The following PERM1 variants were observed in gnomAD, a reference collection of about 807,000 sequenced individuals.
PERM1 encodes PPARGC1 and ESRR induced regulator, muscle 1.
Under a neutral mutation model 44.1 loss-of-function variants are expected in PERM1, and 45 were observed. The observed-to-expected ratio is 1.02, with a 90% CI of 0.80 to 1.31. PERM1 has a LOEUF of 1.31. Among genes scored for constraint, PERM1 ranks in the 50% most tolerant of loss-of-function variants. The pLI, the probability that PERM1 is intolerant of heterozygous loss-of-function variation, is 0.00. For missense variants in PERM1, 1,189 were observed against 1,106.9 expected, an observed-to-expected ratio of 1.07 and a Z score of -1.05; for synonymous variants, 565 against 477.1, an observed-to-expected ratio of 1.18 and a Z score of -2.40.
intron 2 of PERM1, 33 bp downstream of exon 3, chr1:976,466 G>A (rs1643610618): frequency 6.5e-7 from 1 of 1,549,354 alleles, no homozygotes; most frequent in Non-Finnish European, 8.7e-7. Context: ...CTGGCTTCTA[G>A]GCGCAGCTCC....
At chr1:976,039 C>A in exon 3 of PERM1, 1 of 886,114 alleles carries the variant, frequency 1.1e-6, no homozygotes, top group South Asian at 1.8e-5. Flanking sequence ...GGGAGCAGCA[C>A]CAGGACACGC....
chr1:981,732 C>T (rs987449429), upstream of PERM1, among the ~76,000 whole-genome samples: 2 of 152,256 alleles, frequency 1.3e-5, no homozygotes, highest in Non-Finnish European at 2.9e-5. Context: ...GACCCAGCAG[C>T]CACCTCGGGC....
Position 979,425 on chromosome 1 carries a change from G to A in PERM1, c.1605C>T (p.His535=), listed in dbSNP as rs28548166. 1.8e-3 allele frequency: 2,785 copies of A among 1,528,946 alleles called. 53 individuals carry two copies. The African/African-American group carries it at 0.034, about 19-fold the overall frequency. The allele number at this position is 1,528,946 out of a possible 1,614,324, so 94.7% of individuals were successfully genotyped here. The change falls in exon 1 of 3, where the codon CAC becomes CAT. Residue 535 remains histidine (H), a synonymous_variant. Transcript: ENST00000433179. ...CAGCCTCCCAGGCTCCGGGCCCCCC[G>A]TGGGCCCCAGTTGCTGTCTGGGGGG...
exon 1 of PERM1, chr1:980,708 G>C (rs540058132): frequency 6.3e-6 from 9 of 1,420,590 alleles, no homozygotes; most frequent in Non-Finnish European, 7.3e-6. Context: ...GCTTCTGCCC[G>C]TGCGGACGTG....
At chr1:980,825 G>A (rs1227211813) in exon 1 of PERM1, 42 of 1,399,144 alleles carry the variant, frequency 3.0e-5, no homozygotes, top group Admixed American at 6.9e-5. Context: ...CGCCGGCTCC[G>A]CCCTCCTGCA....
exon 1 of PERM1, chr1:979,096 G>A (rs1381273105): frequency 2.6e-6 from 4 of 1,549,412 alleles, no homozygotes; most frequent in Admixed American, 2.0e-5. Flanking sequence ...AGGTATGGGG[G>A]CCGGCACAGG....
upstream of PERM1, chr1:981,272 C>G (rs944397723): frequency 7.0e-6 from 9 of 1,290,384 alleles, no homozygotes; most frequent in Non-Finnish European, 9.5e-6. Flanking sequence ...TCCCATGACC[C>G]TAGTTCCCAA....
chr1:979,981 G>A (rs1294562586), exon 1 of PERM1: 1 of 1,549,638 alleles, frequency 6.5e-7, no homozygotes, highest in Middle Eastern at 1.7e-4. Context: ...TTGCGGCTCA[G>A]AGGCAGGTGT....
chr1:978,993 C>T (rs1341698593), exon 1 of PERM1: 9 of 1,526,086 alleles, frequency 5.9e-6, no homozygotes, highest in Middle Eastern at 1.7e-4. Context: ...GCAGTGGGAG[C>T]GGGACAGCCG....
chr1:980,999 T>G lies in PERM1; in HGVS notation c.31A>C (p.Ser11Arg), dbSNP rs1643781321. 5 of 1,514,642 alleles carry G rather than the reference T, an allele frequency of 3.3e-6. No individual in the cohort carries two copies. The African/African-American group carries it at 7.0e-5, about 21-fold the overall frequency. 93.8% of individuals were successfully genotyped at this position (1,514,642 alleles called of 1,614,324 possible). ...GAGAACTCGGCCCAGTCCTGGTCAC[T>G]CAGCTGGACGCTGTACTGGAAATTT... Residue 11 changes from serine (S) to arginine (R), a missense_variant, in exon 1 of 3, where the codon AGT becomes CGT. By Grantham distance (110) the Ser-to-Arg change is moderately radical. Coordinates refer to ENST00000433179, the Ensembl canonical transcript of PERM1.
chr1:978,151 C>A (rs1218372366), intron 1 of PERM1, among the ~76,000 whole-genome samples: 1 of 130,394 alleles, frequency 7.7e-6, no homozygotes. Flanking sequence ...CCTGCCTCCC[C>A]CTCCAACCCC....
chr1:979,489 T>C (rs991957736), exon 1 of PERM1: 7 of 1,547,622 alleles, frequency 4.5e-6, no homozygotes, highest in East Asian at 2.4e-5. Context: ...GCCTGGCTTA[T>C]TGGGGCTGGG....
exon 1 of PERM1, chr1:979,345 G>A: frequency 5.3e-6 from 8 of 1,517,486 alleles, no homozygotes; most frequent in Non-Finnish European, 7.1e-6. Context: ...AGAGGGAGGG[G>A]GGCGAGGCAG....
At chr1:979,237 G>T in exon 1 of PERM1, 1 of 1,550,112 alleles carries the variant, frequency 6.5e-7, no homozygotes, top group Non-Finnish European at 8.7e-7. Context: ...TGCCGCCTCA[G>T]CCTCTTCGTT....
upstream of PERM1, chr1:981,152 G>A (rs373197642): frequency 3.4e-5 from 53 of 1,548,472 alleles, no homozygotes; most frequent in Admixed American, 1.2e-4. Flanking sequence ...AGCTCCCACC[G>A]CCTCGGGGCT....
chr1:980,600 C>G, exon 1 of PERM1: 2 of 1,449,740 alleles, frequency 1.4e-6, no homozygotes, highest in Non-Finnish European at 1.8e-6. Flanking sequence ...GGGGCAGGGC[C>G]CTGCAGAAGC....
At position 976,090 on chromosome 1, in the gene PERM1, C is replaced by G. The variant is rs932652285; in HGVS notation, c.*82G>C. 6 of 1,374,510 alleles carry G rather than the reference C, an allele frequency of 4.4e-6. No homozygotes were observed. In the African/African-American group the frequency reaches 5.9e-5, roughly 13 times the overall value. The allele number at this position is 1,374,510 out of a possible 1,614,324, so 85.1% of individuals were successfully genotyped here. A position where few individuals can be genotyped will look rare whatever the true frequency, so the allele number is the denominator to read the frequency against. On this transcript the variant is annotated 3_prime_UTR_variant, in exon 3 of 3. Coordinates refer to ENST00000433179, the Ensembl canonical transcript of PERM1. ...GGTAGAAGAGAGGGGTCAGAGGGCC[C>G]GGGCGAGGGCGGCACCTCGTCCTGC... is the stretch of plus-strand genomic sequence containing the variant.
exon 1 of PERM1, chr1:979,878 C>A (rs1307630743): frequency 6.5e-7 from 1 of 1,549,224 alleles, no homozygotes; most frequent in Non-Finnish European, 8.7e-7. Context: ...TAGACAGAGC[C>A]ACACTGGACT....
At chr1:981,282 A>T, upstream of PERM1, 1 of 1,126,536 alleles carries the variant, frequency 8.9e-7, no homozygotes, top group East Asian at 2.8e-5. Flanking sequence ...CTAGTTCCCA[A>T]CGCACCCCAA....
Sources: gnomAD v4.1 joint callset for allele counts (sites outside exome capture counted in the v4.1 genomes callset) on GRCh38, gnomAD v4.1.1 for gene constraint, MANE v1.5 for transcripts, NCBI Gene and HGNC (gene_info 2026-07-23, HGNC 2026-07-21) for gene names.